The following KCNJ2 variants were observed in gnomAD, a reference collection of about 807,000 sequenced individuals.
KCNJ2 encodes potassium inwardly rectifying channel subfamily J member 2.
In KCNJ2, 12 loss-of-function variants were observed where a neutral mutation model predicts 28.4. The ratio of observed to expected loss-of-function variants is 0.42; its 90% CI spans 0.27 to 0.68. KCNJ2 has a LOEUF of 0.68. Ranked by LOEUF, KCNJ2 falls within the 30% of genes least tolerant of loss-of-function variation. The probability of loss-of-function intolerance (pLI) is 0.23; values close to 1 mark genes in which losing one functional copy is unlikely to be tolerated. For synonymous variants in KCNJ2, 200 were observed against 203.2 expected (o/e 0.98, Z 0.13); for missense variants, 320 against 551.3 (o/e 0.58, Z 4.20).
chr17:70,178,473 G>A lies in KCNJ2; in HGVS notation c.*2150G>A, dbSNP rs1222013689. The A allele has an allele frequency of 6.0e-6, 1 of 167,006 alleles. No homozygotes were observed. Among genetic ancestry groups the A allele is most frequent in the East Asian group, 1.9e-4 (1 of 5,196 alleles). 10.3% of individuals were successfully genotyped at this position (167,006 alleles called of 1,614,324 possible). ...TGGTTCTTGACAGTGAGAGGATATT[G>A]AGGGCTTCAGCTGCTGCTATTATGA... On this transcript the variant is annotated 3_prime_UTR_variant, in exon 2 of 2. Transcript: ENST00000243457.
intron 1 of KCNJ2, among the ~76,000 whole-genome samples, chr17:70,174,411 C>T (rs1047370734): frequency 2.6e-5 from 4 of 152,176 alleles, no homozygotes; most frequent in Non-Finnish European, 5.9e-5. Flanking sequence ...CTAAACATGT[C>T]CTTTTTCCAA....
chr17:70,172,856 G>A (rs2074372512), intron 1 of KCNJ2, among the ~76,000 whole-genome samples: 1 of 152,166 alleles, frequency 6.6e-6, no homozygotes, highest in South Asian at 2.1e-4. Flanking sequence ...GTTTAGTAAT[G>A]TGAGAAAACT....
chr17:70,179,868 C>T lies in KCNJ2; in HGVS notation c.*3545C>T, dbSNP rs1298977133. 6.0e-6 allele frequency: 1 copy of T among 166,954 alleles called. No individual in the cohort carries two copies. Among genetic ancestry groups the T allele is most frequent in the Non-Finnish European group, 1.5e-5 (1 of 68,102 alleles). The allele number at this position is 166,954 out of a possible 1,614,324, so 10.3% of individuals were successfully genotyped here. A position where few individuals can be genotyped will look rare whatever the true frequency, so the allele number is the denominator to read the frequency against. Reference sequence around the variant, plus strand: ...GGTAATTTTGGGTTTCCGCTCTGGGCTCTGGCAAGTTGAACAATCCTAGCC... The same window carrying T: ...GGTAATTTTGGGTTTCCGCTCTGGGTTCTGGCAAGTTGAACAATCCTAGCC... On this transcript the variant is annotated 3_prime_UTR_variant, in exon 2 of 2. Coordinates refer to ENST00000243457, the MANE Select transcript of KCNJ2 (RefSeq NM_000891.3).
chr17:70,177,294 C>G lies in KCNJ2; in HGVS notation c.*971C>G, dbSNP rs2074399700. ...AGAAGAAGAAAGGGGCACACACACA[C>G]AATACCGACGTCTATCCTTTCCTGC... On this transcript the variant is annotated 3_prime_UTR_variant, in exon 2 of 2. Coordinates refer to ENST00000243457, the MANE Select transcript of KCNJ2 (RefSeq NM_000891.3). 2 of 167,126 alleles carry G rather than the reference C, an allele frequency of 1.2e-5. No individual in the cohort carries two copies. Among genetic ancestry groups the G allele is most frequent in the Admixed American group, 6.5e-5 (1 of 15,290 alleles). 10.4% of individuals were successfully genotyped at this position (167,126 alleles called of 1,614,324 possible). A position where few individuals can be genotyped will look rare whatever the true frequency, so the allele number is the denominator to read the frequency against.
intron 1 of KCNJ2, among the ~76,000 whole-genome samples, chr17:70,170,438 T>C (rs2074359277): frequency 6.6e-6 from 1 of 151,440 alleles, no homozygotes; most frequent in African/African-American, 2.5e-5. Context: ...ATAGCGTGGA[T>C]TCATCATGAC....
chr17:70,178,535 T>G lies in KCNJ2; in HGVS notation c.*2212T>G, dbSNP rs2074408713. ...GGAAAATAATCAAACCAAAGAGTATTCAGTGATATGTAAATTAAATGAAGA... is the reference window on the plus strand; with the variant it reads ...GGAAAATAATCAAACCAAAGAGTATGCAGTGATATGTAAATTAAATGAAGA... On this transcript the variant is annotated 3_prime_UTR_variant, in exon 2 of 2. Transcript: ENST00000243457. 6.0e-6 allele frequency: 1 copy of G among 166,368 alleles called. No homozygotes were observed. The highest frequency in any genetic ancestry group is 2.1e-4 in the South Asian group (1 of 4,820). The allele number at this position is 166,368 out of a possible 1,614,324, so 10.3% of individuals were successfully genotyped here.
In KCNJ2 at chr17:70,175,339, CTG is replaced by C; in HGVS notation, c.306_307del (p.Phe103LeufsTer35). 6.2e-7 allele frequency: 1 copy of C among 1,614,092 alleles called. No homozygotes were observed. Among genetic ancestry groups the C allele is most frequent in the Non-Finnish European group, 8.5e-7 (1 of 1,180,028 alleles). The part of the protein sequence containing the change: ...AFVLSWLFFG[C>X]VFWLIALLHG... ...TCGTCCTGTCATGGCTGTTTTTTGG[CTG>C]TGTGTTTTGGTTGATAGCTCTGCTC... On this transcript the variant is annotated frameshift_variant, in exon 2 of 2. Transcript: ENST00000243457. LOFTEE classifies it high-confidence loss of function. This position sits in a 1 kb window ranked among gnomAD's most constrained non-coding sequence, Gnocchi z 8.3.
intron 1 of KCNJ2, 48 bp from the exon 2 acceptor site, chr17:70,174,776 C>A (rs769874959): frequency 2.2e-4 from 118 of 538,646 alleles, no homozygotes; most frequent in Non-Finnish European, 3.2e-4. Context: ...CAGTAGAATT[C>A]TTTAAGAGTG....
intron 1 of KCNJ2, among the ~76,000 whole-genome samples, chr17:70,171,960 T>C (rs546944515): frequency 5.1e-4 from 77 of 152,276 alleles, no homozygotes; most frequent in Admixed American, 7.8e-4. Flanking sequence ...TGATTGCATC[T>C]CAAACATTAT....
At chr17:70,172,312 CAAAAAAAAAAAAAA>C (rs60636682) in intron 1 of KCNJ2, among the ~76,000 whole-genome samples, 1 of 85,892 alleles carries the variant, frequency 1.2e-5, no homozygotes, top group Non-Finnish European at 2.2e-5. Flanking sequence ...TTCTTTTTGC[CAAAAAAAAAAAAAA>C]AAAAAAAAAA....
intron 1 of KCNJ2, among the ~76,000 whole-genome samples, chr17:70,171,409 T>C (rs1254203489): frequency 1.3e-5 from 2 of 152,250 alleles, no homozygotes; most frequent in Non-Finnish European, 2.9e-5. Context: ...AAACACTCAT[T>C]AGCAGACCTC....
At position 70,175,538 on chromosome 17, in the gene KCNJ2, G is replaced by C; in HGVS notation, c.499G>C (p.Val167Leu). 2 of 1,614,170 alleles carry C rather than the reference G, an allele frequency of 1.2e-6. No individual in the cohort carries two copies. The highest frequency in any genetic ancestry group is 1.7e-6 in the Non-Finnish European group (2 of 1,180,030). Residue 167 changes from valine (V) to leucine (L), a missense_variant, in exon 2 of 2, where the codon GTG (valine) becomes CTG (leucine). Around this residue, in one of 3 missense-constraint regions of KCNJ2, gnomAD observed 111 missense variants for 256.7 expected, o/e 0.43. Coordinates refer to ENST00000243457, the MANE Select transcript of KCNJ2 (RefSeq NM_000891.3). The surrounding 1 kb of genome is among the most constrained non-coding windows in gnomAD (Gnocchi z 8.3). Reference protein sequence around the residue: ...AVFMVVFQSIVGCIIDAFIIG... With the variant: ...AVFMVVFQSILGCIIDAFIIG... ...TTTCATGGTGGTGTTCCAGTCAATC[G>C]TGGGCTGCATCATCGATGCTTTCAT...
At chr17:70,170,134 T>A (rs1382754471) in intron 1 of KCNJ2, among the ~76,000 whole-genome samples, 2 of 151,384 alleles carry the variant, frequency 1.3e-5, no homozygotes, top group African/African-American at 4.9e-5. Flanking sequence ...TTGGCAAAGC[T>A]TGGGACTCAG....
In KCNJ2 at chr17:70,179,055, T is replaced by C. The variant is rs1188552752; in HGVS notation, c.*2732T>C. On this transcript the variant is annotated 3_prime_UTR_variant, in exon 2 of 2. Coordinates refer to ENST00000243457, the MANE Select transcript of KCNJ2 (RefSeq NM_000891.3). Reference sequence around the variant, plus strand: ...TTAGCGTTTTAACAGTTACAAGCTTTAAATGGCAATTTTTTTTTTTTTTTT... The same window carrying C: ...TTAGCGTTTTAACAGTTACAAGCTTCAAATGGCAATTTTTTTTTTTTTTTT... 4.3e-5 allele frequency: 7 copies of C among 161,412 alleles called. No homozygotes were observed. The highest frequency in any genetic ancestry group is 7.4e-5 in the Non-Finnish European group (5 of 67,238). The allele number at this position is 161,412 out of a possible 1,614,324, so 10.0% of individuals were successfully genotyped here.
intron 1 of KCNJ2, among the ~76,000 whole-genome samples, chr17:70,174,223 G>A (rs2074379317): frequency 1.3e-5 from 2 of 152,154 alleles, no homozygotes; most frequent in Non-Finnish European, 2.9e-5. Context: ...TCTATTTGTA[G>A]GTGGGAATCT....
rs2074402503 is a variant in KCNJ2, at chr17:70,177,642, G to A, written c.*1319G>A. 1 of 167,216 alleles carries A rather than the reference G, an allele frequency of 6.0e-6. No individual in the cohort carries two copies. The highest frequency in any genetic ancestry group is 2.4e-5 in the African/African-American group (1 of 41,470). The allele number at this position is 167,216 out of a possible 1,614,324, so 10.4% of individuals were successfully genotyped here. ...ATTGAGTCCTACAGTGTCAGATAGG[G>A]CGGCAAATGCCAAAGCAGGGAAACA... On this transcript the variant is annotated 3_prime_UTR_variant, in exon 2 of 2. Coordinates refer to ENST00000243457, the MANE Select transcript of KCNJ2 (RefSeq NM_000891.3).
intron 1 of KCNJ2, among the ~76,000 whole-genome samples, chr17:70,170,536 G>C (rs1264689303): frequency 6.6e-6 from 1 of 152,192 alleles, no homozygotes; most frequent in Non-Finnish European, 1.5e-5. Context: ...AGGATAAAAG[G>C]CTGTGAATTC....
In KCNJ2 at chr17:70,176,600, C is replaced by G. The variant is rs891506685; in HGVS notation, c.*277C>G. On this transcript the variant is annotated 3_prime_UTR_variant, in exon 2 of 2. Coordinates refer to ENST00000243457, the MANE Select transcript of KCNJ2 (RefSeq NM_000891.3). The stretch of plus-strand genomic sequence containing the variant: ...TGTGTTTTTCCAAAACTTGAACTTG[C>G]AGGCAAGCCTTGGTTGGGTATTTGA... 2.0e-6 allele frequency: 1 copy of G among 500,020 alleles called. No homozygotes were observed. Among genetic ancestry groups the G allele is most frequent in the Non-Finnish European group, 3.7e-6 (1 of 266,864 alleles). The allele number at this position is 500,020 out of a possible 1,614,324, so 31.0% of individuals were successfully genotyped here. A position where few individuals can be genotyped will look rare whatever the true frequency, so the allele number is the denominator to read the frequency against.
chr17:70,176,400 G>A lies in KCNJ2; in HGVS notation c.*77G>A. ...AGAGGCCCAAAACAGTTATACAGAT[G>A]ACGGTACTGGTCAAGATGGGTCAAG... On this transcript the variant is annotated 3_prime_UTR_variant, in exon 2 of 2. Transcript: ENST00000243457. The A allele has an allele frequency of 7.4e-7, 1 of 1,351,174 alleles. No homozygotes were observed. Among genetic ancestry groups the A allele is most frequent in the South Asian group, 1.2e-5 (1 of 85,156 alleles). 83.7% of individuals were successfully genotyped at this position (1,351,174 alleles called of 1,614,324 possible).
Sources: allele counts gnomAD v4.1 joint callset (sites outside exome capture counted in the v4.1 genomes callset), GRCh38; gene constraint gnomAD v4.1.1; regional missense constraint gnomAD v4.1.1; non-coding constraint Gnocchi (gnomAD v3.1); transcripts MANE v1.5; gene names NCBI Gene and HGNC (gene_info 2026-07-23, HGNC 2026-07-21).